Variants in AGPS observed in about 807,000 individuals in gnomAD.
The protein encoded by AGPS is alkylglycerone phosphate synthase, also known as alkyldihydroxyacetonephosphate synthase, peroxisomal.
Under a neutral mutation model 90.7 loss-of-function variants are expected in AGPS, and 26 were observed. The observed-to-expected ratio is 0.29, with a 90% CI of 0.21 to 0.40. The LOEUF is 0.40. Among genes scored for constraint, AGPS ranks in the 10% least tolerant of loss-of-function variants. AGPS has a pLI of 1.00. For synonymous variants in AGPS, 294 were observed against 285.3 expected (o/e 1.03, Z -0.31); for missense variants, 540 against 816.1 (o/e 0.66, Z 4.12).
At chr2:177,508,180 C>A in intron 16 of AGPS, 149 bp downstream of exon 16, 1 of 649,954 alleles carries the variant, frequency 1.5e-6, no homozygotes, top group Non-Finnish European at 2.7e-6. Flanking sequence ...TTAATATATT[C>A]ATCAGAATGC....
intron 10 of AGPS, among the ~76,000 whole-genome samples, chr2:177,481,708 A>AT (rs1687950053): frequency 6.6e-6 from 1 of 151,984 alleles, no homozygotes; most frequent in African/African-American, 2.4e-5. Context: ...TTTTGTCTGA[A>AT]TACATATGAG....
chr2:177,435,600 GTTGT>G (rs1686381574), intron 3 of AGPS, among the ~76,000 whole-genome samples: 1 of 151,954 alleles, frequency 6.6e-6, no homozygotes, highest in African/African-American at 2.4e-5. Context: ...TTAACTCACT[GTTGT>G]ATCAAGACCT....
intron 1 of AGPS, among the ~76,000 whole-genome samples, chr2:177,407,316 C>T (rs1340164448): frequency 6.6e-6 from 1 of 151,918 alleles, no homozygotes; most frequent in East Asian, 1.9e-4. Flanking sequence ...TATATTAGAC[C>T]ATTTTTGCAT....
intron 7 of AGPS, among the ~76,000 whole-genome samples, chr2:177,443,484 A>G (rs1037409308): frequency 2.0e-5 from 3 of 152,210 alleles, no homozygotes; most frequent in African/African-American, 4.8e-5. Context: ...TAAGCCCTGT[A>G]TGTCCACTAA....
intron 17 of AGPS, among the ~76,000 whole-genome samples, chr2:177,514,691 C>G (rs563920511): frequency 3.9e-5 from 6 of 152,180 alleles, no homozygotes; most frequent in Admixed American, 2.6e-4. Context: ...TTATCTTGTA[C>G]TTTCCTAGTA....
intron 1 of AGPS, among the ~76,000 whole-genome samples, chr2:177,405,019 GA>G (rs780002717): frequency 8.5e-5 from 13 of 152,218 alleles, no homozygotes; most frequent in Non-Finnish European, 1.8e-4. Context: ...GGGTGCCAAA[GA>G]ACCCAAGGGT....
chr2:177,429,024 T>C (rs1479905518), intron 2 of AGPS, among the ~76,000 whole-genome samples: 1 of 152,202 alleles, frequency 6.6e-6, no homozygotes, highest in African/African-American at 2.4e-5. Flanking sequence ...CTTTTCATTC[T>C]TTTTTCTCTA....
intron 1 of AGPS, among the ~76,000 whole-genome samples, chr2:177,396,932 T>C (rs2105581467): frequency 1.1e-5 from 1 of 91,092 alleles, no homozygotes; most frequent in Admixed American, 1.3e-4. Context: ...CAATTACTTC[T>C]TTTTCTTTTC....
chr2:177,496,960 C>T (rs982906517), intron 12 of AGPS, among the ~76,000 whole-genome samples: 1 of 151,988 alleles, frequency 6.6e-6, no homozygotes, highest in Non-Finnish European at 1.5e-5. Flanking sequence ...AATGGTATGA[C>T]ACCTTTTTCT....
intron 1 of AGPS, among the ~76,000 whole-genome samples, chr2:177,412,523 C>T (rs75274369): frequency 0.12 from 18,057 of 152,134 alleles, 1,290 homozygotes; most frequent in East Asian, 0.34. Flanking sequence ...CTGGCAGCCA[C>T]GCTAATCGTT....
intron 15 of AGPS, 44 bp from the exon 16 acceptor site, chr2:177,507,926 G>C (rs1431916982): frequency 3.1e-6 from 4 of 1,279,336 alleles, no homozygotes; most frequent in Non-Finnish European, 4.6e-6. Context: ...TGATTCTTCT[G>C]CATCTGTTGT....
intron 8 of AGPS, among the ~76,000 whole-genome samples, chr2:177,448,322 T>C (rs953793889): frequency 1.3e-5 from 2 of 152,192 alleles, no homozygotes; most frequent in Non-Finnish European, 2.9e-5. Context: ...GAACTTTGAT[T>C]CATTCCACTA....
chr2:177,434,924 GTGAT>G (rs1686353589), intron 3 of AGPS, among the ~76,000 whole-genome samples: 2 of 149,304 alleles, frequency 1.3e-5, no homozygotes, highest in Admixed American at 6.7e-5. Flanking sequence ...TAAGATATGA[GTGAT>G]TGAGGATTTT....
At position 177,538,933 on chromosome 2, in the gene AGPS, C is replaced by G. The variant is rs1328418391; in HGVS notation, c.*738C>G. On this transcript the variant is annotated 3_prime_UTR_variant, in exon 20 of 20. Coordinates refer to ENST00000264167, the MANE Select transcript of AGPS (RefSeq NM_003659.4). The stretch of plus-strand genomic sequence containing the variant: ...TAATATGTTTTGTAAGAAAAGCTGA[C>G]ATCCTTCATTGCAAGTGAAGAACAG... 2.0e-5 allele frequency: 3 copies of G among 152,006 alleles called. No individual in the cohort carries two copies. Among genetic ancestry groups the G allele is most frequent in the African/African-American group, 7.2e-5 (3 of 41,426 alleles). 9.4% of individuals were successfully genotyped at this position (152,006 alleles called of 1,614,324 possible).
chr2:177,490,560 T>C (rs1688223086), intron 11 of AGPS, among the ~76,000 whole-genome samples: 1 of 152,188 alleles, frequency 6.6e-6, no homozygotes, highest in South Asian at 2.1e-4. Flanking sequence ...TCCTTGATAC[T>C]AATAGGAATA....
intron 19 of AGPS, among the ~76,000 whole-genome samples, chr2:177,530,759 C>T (rs977603767): frequency 1.3e-5 from 2 of 152,114 alleles, no homozygotes; most frequent in African/African-American, 2.4e-5. Flanking sequence ...TTTTGTGTAT[C>T]AGAGAAAACA....
chr2:177,469,490 A>G (rs781592372), intron 10 of AGPS, among the ~76,000 whole-genome samples: 2 of 152,152 alleles, frequency 1.3e-5, no homozygotes, highest in Non-Finnish European at 2.9e-5. Context: ...GATGTTTTTC[A>G]TGGTAACCAA....
chr2:177,509,903 G>A (rs550832008), intron 16 of AGPS, among the ~76,000 whole-genome samples: 1 of 152,122 alleles, frequency 6.6e-6, no homozygotes, highest in South Asian at 2.1e-4. Flanking sequence ...ACTAGTCTAC[G>A]CAACAGAATC....
Position 177,392,949 on chromosome 2 carries a change from A to C in AGPS, c.160A>C (p.Ser54Arg), listed in dbSNP as rs1462668353. Residue 54 changes from serine to arginine, a missense_variant, in exon 1 of 20, where the codon AGT becomes CGT. Ser to Arg is a moderately radical substitution (Grantham distance 110). Transcript: ENST00000264167. The part of the protein sequence containing the change: ...HLLGRPREAL[S>R]TNECKARRAA... ...GCTGGGCCGGCCCCGGGAGGCTCTG[A>C]GTACCAATGAGTGCAAAGCGCGGAG... The C allele has an allele frequency of 1.3e-6, 2 of 1,549,940 alleles. No homozygotes were observed. The highest frequency in any genetic ancestry group is 2.0e-5 in the Admixed American group (1 of 50,982).
Sources: allele counts gnomAD v4.1 joint callset (sites outside exome capture counted in the v4.1 genomes callset), GRCh38; gene constraint gnomAD v4.1.1; transcripts MANE v1.5; gene names NCBI Gene and HGNC (gene_info 2026-07-23, HGNC 2026-07-21).